FRMPD4: variants seen among roughly 807,000 people sequenced by gnomAD.
FRMPD4 encodes FERM and PDZ domain-containing protein 4.
In FRMPD4, 22 loss-of-function variants were observed where a neutral mutation model predicts 94.1. That is an observed-to-expected ratio of 0.23 (90% confidence interval 0.17 to 0.33). The LOEUF is 0.33. FRMPD4 is among the 10% of genes least tolerant of loss of function. The pLI, the probability that FRMPD4 is intolerant of heterozygous loss-of-function variation, is 1.00. For synonymous variants in FRMPD4, 631 were observed against 548.6 expected (o/e 1.15, Z -2.10); for missense variants, 1,111 against 1,339.9 (o/e 0.83, Z 2.67).
intron 5 of FRMPD4, among the ~76,000 whole-genome samples, chrX:12,675,395 G>A (rs1339727656): frequency 1.1e-5 from 1 of 94,914 alleles, no homozygotes; most frequent in East Asian, 4.1e-4. Flanking sequence ...GGTGGAAAGT[G>A]ATTTAAAAAC....
chrX:12,654,086 A>C (rs749138192), intron 4 of FRMPD4, among the ~76,000 whole-genome samples: 35 of 112,250 alleles, frequency 3.1e-4, no homozygotes, highest in African/African-American at 1.1e-3. Flanking sequence ...CCATTAATTT[A>C]ATCCAAGCTT....
chrX:11,972,637 ACTT>A (rs1432856449), intron 3 of FRMPD4, among the ~76,000 whole-genome samples: 1 of 112,293 alleles, frequency 8.9e-6, no homozygotes, highest in Non-Finnish European at 1.9e-5. Flanking sequence ...CACATTGCTT[ACTT>A]CTTTAACTCC....
chrX:12,152,779 G>A (rs2055873808), intron 1 of FRMPD4, among the ~76,000 whole-genome samples: 2 of 110,125 alleles, frequency 1.8e-5, no homozygotes, highest in Admixed American at 2.0e-4. Context: ...TTATAAAAAT[G>A]ATCTGTTACT....
chrX:12,214,586 TAA>T (rs1243231860), intron 1 of FRMPD4, among the ~76,000 whole-genome samples: 3 of 112,599 alleles, frequency 2.7e-5, no homozygotes, highest in Non-Finnish European at 1.9e-5. Flanking sequence ...TAGAACTCTA[TAA>T]CACAAATGAC....
chrX:12,224,019 A>G (rs73501744), intron 1 of FRMPD4, among the ~76,000 whole-genome samples: 2,119 of 109,727 alleles, frequency 0.019, 48 homozygotes, highest in African/African-American at 0.067. Flanking sequence ...ATATTGTATA[A>G]TATTTAGCAC....
intron 3 of FRMPD4, among the ~76,000 whole-genome samples, chrX:12,031,716 G>A (rs1387245252): frequency 8.9e-6 from 1 of 111,901 alleles, no homozygotes; most frequent in Non-Finnish European, 1.9e-5. Flanking sequence ...AACTGTAAGA[G>A]CAACTGGATT....
At chrX:12,632,041 A>C (rs186137665) in intron 4 of FRMPD4, among the ~76,000 whole-genome samples, 6 of 111,743 alleles carry the variant, frequency 5.4e-5, no homozygotes, top group African/African-American at 2.0e-4. Flanking sequence ...TGCAGTGTTT[A>C]TTGCCCTTTT....
chrX:12,054,817 A>AC (rs1354654276), intron 3 of FRMPD4: 1 of 112,222 alleles, frequency 8.9e-6, no homozygotes, highest in Admixed American at 9.5e-5. Context: ...TGTTTAAAAA[A>AC]ATTTTTTTAA....
intron 3 of FRMPD4, among the ~76,000 whole-genome samples, chrX:12,016,729 T>TA (rs764297360): frequency 7.1e-5 from 8 of 112,282 alleles, no homozygotes; most frequent in African/African-American, 2.6e-4. Context: ...GTGAGGTATA[T>TA]AGGCCAAAGT....
chrX:12,265,470 A>G (rs1052925397), intron 1 of FRMPD4, among the ~76,000 whole-genome samples: 6 of 111,975 alleles, frequency 5.4e-5, no homozygotes, highest in African/African-American at 1.9e-4. Context: ...GCTCTGTGCT[A>G]GATGATGACA....
chrX:12,718,467 A>G lies in FRMPD4; in HGVS notation c.3641A>G (p.Gln1214Arg), dbSNP rs200378461. Residue 1214 changes from glutamine to arginine, a missense_variant, in exon 16 of 17, where the codon CAA becomes CGA. Gln to Arg is a conservative substitution (Grantham distance 43, BLOSUM62 1). Around this residue, in one of 8 missense-constraint regions of FRMPD4, gnomAD observed 551 missense variants for 591.6 expected, o/e 0.93. Coordinates refer to ENST00000675598, the MANE Select transcript of FRMPD4 (RefSeq NM_001368397.1). ...SEGHFSLQSSQGSSVDAGCGT... is the reference protein window; with the variant it reads ...SEGHFSLQSSRGSSVDAGCGT... ...GGCCATTTTTCTCTGCAGAGCTCCC[A>G]AGGCTCTTCAGTGGATGCAGGCTGT... 5.0e-6 allele frequency: 6 copies of G among 1,204,899 alleles called. No homozygotes were observed. In the East Asian group the frequency reaches 1.5e-4, roughly 30 times the overall value.
chrX:12,470,692 T>C (rs976332555), intron 1 of FRMPD4, among the ~76,000 whole-genome samples: 8 of 112,027 alleles, frequency 7.1e-5, no homozygotes, highest in Admixed American at 5.7e-4. Flanking sequence ...TAGAAAATTC[T>C]CTCCAAAATT....
intron 1 of FRMPD4, among the ~76,000 whole-genome samples, chrX:12,375,312 G>A (rs2056221620): frequency 2.7e-5 from 3 of 112,539 alleles, no homozygotes; most frequent in Admixed American, 9.4e-5. Flanking sequence ...AGTATATGTC[G>A]TGACAGGGCT....
intron 5 of FRMPD4, among the ~76,000 whole-genome samples, chrX:12,675,302 A>T (rs1309160222): frequency 9.0e-6 from 1 of 111,016 alleles, no homozygotes; most frequent in African/African-American, 3.3e-5. Flanking sequence ...AGAGAACTGG[A>T]TATTTTAGCA....
At chrX:12,118,478 T>C (rs2055427526) in intron 3 of FRMPD4, among the ~76,000 whole-genome samples, 2 of 112,280 alleles carry the variant, frequency 1.8e-5, no homozygotes, top group Non-Finnish European at 3.8e-5. Flanking sequence ...CAAAACCATT[T>C]CCAAGTCACC....
chrX:12,110,863 G>A (rs2055353916), intron 3 of FRMPD4, among the ~76,000 whole-genome samples: 1 of 111,024 alleles, frequency 9.0e-6, no homozygotes, highest in Non-Finnish European at 1.9e-5. Flanking sequence ...CAACTTACAA[G>A]GGATGTGAAG....
chrX:11,838,908 A>AT (rs1057093872), intron 1 of FRMPD4, among the ~76,000 whole-genome samples: 1 of 111,303 alleles, frequency 9.0e-6, no homozygotes, highest in Non-Finnish European at 1.9e-5. Context: ...AGGTTATTTA[A>AT]TTTTTTACTA....
intron 2 of FRMPD4, 106 bp downstream of exon 2, chrX:12,498,902 G>A: frequency 2.4e-6 from 1 of 412,409 alleles, no homozygotes; most frequent in East Asian, 3.9e-5. Context: ...TAGGCATTTG[G>A]AGGCCATTAC....
At chrX:12,397,205 C>T (rs2056553047) in intron 1 of FRMPD4, among the ~76,000 whole-genome samples, 1 of 110,497 alleles carries the variant, frequency 9.1e-6, no homozygotes. Flanking sequence ...CATAACAGGC[C>T]TCTAAACCTG....
Sources: allele counts gnomAD v4.1 joint callset (sites outside exome capture counted in the v4.1 genomes callset), GRCh38; gene constraint gnomAD v4.1.1; regional missense constraint gnomAD v4.1.1; transcripts MANE v1.5; gene names NCBI Gene and HGNC (gene_info 2026-07-23, HGNC 2026-07-21).